PKNOX2: variants seen among roughly 807,000 people sequenced by gnomAD.
PKNOX2 encodes homeobox protein PKNOX2.
A neutral mutation model predicts 53.1 loss-of-function variants in PKNOX2; 14 were observed. The ratio of observed to expected loss-of-function variants is 0.26; its 90% confidence interval spans 0.17 to 0.41. The LOEUF (loss-of-function observed/expected upper bound fraction) is 0.41, where lower values mean the gene tolerates loss of function less well. Among genes scored for constraint, PKNOX2 ranks in the 10% least tolerant of loss-of-function variants. The pLI, the probability that PKNOX2 is intolerant of heterozygous loss-of-function variation, is 1.00. For synonymous variants in PKNOX2, 257 were observed against 242.8 expected (o/e 1.06, Z -0.54); for missense variants, 496 against 602.8 (o/e 0.82, Z 1.85).
intron 2 of PKNOX2, among the ~76,000 whole-genome samples, chr11:125,278,524 T>C (rs1403749556): frequency 6.6e-6 from 1 of 152,148 alleles, no homozygotes; most frequent in African/African-American, 2.4e-5. Context: ...ATGGGAAGTC[T>C]GATGAGTGTG....
rs2136288357 is a variant in PKNOX2 at position 125,370,583 on chromosome 11, C to A, written c.227+2598C>A. 6.6e-6 allele frequency among the ~76,000 whole-genome samples: 1 copy of A among 152,382 alleles called. No homozygotes were observed. Among genetic ancestry groups the A allele is most frequent in the South Asian group, 2.1e-4 (1 of 4,828 alleles). On this transcript the variant is annotated intron_variant, in intron 5 of 12. Transcript: ENST00000298282. The surrounding 1 kb of genome is among the most constrained non-coding windows in gnomAD (Gnocchi z 4.1). ...CCAGGCAAACGCGGCTGCCCCAGCA[C>A]CTCAGGACACCGAGCTGACAGCAGC...
chr11:125,274,917 G>A (rs919169745), intron 2 of PKNOX2, among the ~76,000 whole-genome samples: 7 of 152,156 alleles, frequency 4.6e-5, no homozygotes, highest in Non-Finnish European at 5.9e-5. Context: ...GCCCAGTCCC[G>A]GGGTGCAGAG....
intron 2 of PKNOX2, chr11:125,331,550 C>A (rs1950145712): frequency 6.6e-6 from 1 of 152,404 alleles, no homozygotes; most frequent in African/African-American, 2.4e-5. Flanking sequence ...GCCGCAGGCA[C>A]TCCTGGTTCA....
At chr11:125,395,285 T>C (rs1954311213) in intron 6 of PKNOX2, among the ~76,000 whole-genome samples, 1 of 152,238 alleles carries the variant, frequency 6.6e-6, no homozygotes, top group African/African-American at 2.4e-5. Context: ...TATTCCATGA[T>C]ATGGATGAAT....
intron 4 of PKNOX2, among the ~76,000 whole-genome samples, chr11:125,364,375 C>T (rs962083536): frequency 2.6e-5 from 4 of 152,244 alleles, no homozygotes; most frequent in Admixed American, 6.5e-5. Context: ...CACAGCCTCT[C>T]AGCTGGGGCC....
At chr11:125,221,848 T>C (rs993919498) in intron 1 of PKNOX2, among the ~76,000 whole-genome samples, 1 of 152,068 alleles carries the variant, frequency 6.6e-6, no homozygotes, top group African/African-American at 2.4e-5. Flanking sequence ...CATAAAAACT[T>C]CCTGTCCCCA....
At chr11:125,319,090 C>A (rs530906538) in intron 2 of PKNOX2, among the ~76,000 whole-genome samples, 7 of 152,298 alleles carry the variant, frequency 4.6e-5, no homozygotes, top group Admixed American at 1.3e-4. Context: ...GCCTCCCTCA[C>A]TAAGCTTAAT....
At chr11:125,367,774 C>A in intron 4 of PKNOX2, 72 bp from the exon 5 acceptor site, 1 of 1,526,070 alleles carries the variant, frequency 6.6e-7, no homozygotes, top group Admixed American at 1.9e-5. Flanking sequence ...CCAAGGCGGA[C>A]CTCACACTAC....
At chr11:125,236,081 G>A (rs918156738) in intron 2 of PKNOX2, among the ~76,000 whole-genome samples, 4 of 152,216 alleles carry the variant, frequency 2.6e-5, no homozygotes, top group Non-Finnish European at 4.4e-5. Flanking sequence ...CGTTATCAGC[G>A]CACATCTTCA....
At chr11:125,182,104 A>G (rs1956187094) in intron 1 of PKNOX2, among the ~76,000 whole-genome samples, 1 of 152,108 alleles carries the variant, frequency 6.6e-6, no homozygotes, top group Non-Finnish European at 1.5e-5. Flanking sequence ...CTAAAAATAC[A>G]TTTGCTTTCT....
chr11:125,261,785 AAC>A (rs570918079), intron 2 of PKNOX2, among the ~76,000 whole-genome samples: 63 of 152,378 alleles, frequency 4.1e-4, no homozygotes, highest in South Asian at 1.0e-3. Context: ...CCGATCTGCA[AAC>A]ACAATAGAAT....
chr11:125,225,128 C>T (rs1941577519), intron 1 of PKNOX2, among the ~76,000 whole-genome samples: 1 of 152,218 alleles, frequency 6.6e-6, no homozygotes, highest in African/African-American at 2.4e-5. Flanking sequence ...CTACCCTCAA[C>T]ATGCCCCTGT....
At chr11:125,212,944 C>T (rs1327453821) in intron 1 of PKNOX2, among the ~76,000 whole-genome samples, 1 of 152,030 alleles carries the variant, frequency 6.6e-6, no homozygotes, top group Non-Finnish European at 1.5e-5. Context: ...CATATGTAGG[C>T]TCTTGCACCA....
intron 7 of PKNOX2, among the ~76,000 whole-genome samples, chr11:125,398,702 T>C (rs1301956564): frequency 3.4e-5 from 5 of 148,248 alleles, no homozygotes; most frequent in Admixed American, 1.3e-4. Context: ...TTGGGCAAGA[T>C]GGGGTTTCCC....
intron 2 of PKNOX2, among the ~76,000 whole-genome samples, chr11:125,238,437 T>C (rs1165587763): frequency 1.3e-5 from 2 of 152,158 alleles, no homozygotes; most frequent in East Asian, 3.9e-4. Context: ...GATGTTATTA[T>C]CTCTATTACA....
chr11:125,190,720 CG>C (rs1403719217), intron 1 of PKNOX2, among the ~76,000 whole-genome samples: 5 of 152,158 alleles, frequency 3.3e-5, no homozygotes, highest in Non-Finnish European at 7.3e-5. Context: ...TCACTCTGGC[CG>C]TCACCACAGA....
At chr11:125,204,322 G>A (rs1938811603) in intron 1 of PKNOX2, among the ~76,000 whole-genome samples, 1 of 152,174 alleles carries the variant, frequency 6.6e-6, no homozygotes, top group South Asian at 2.1e-4. Flanking sequence ...GGAGCCAGCT[G>A]GGCACCGTGT....
chr11:125,254,572 G>A (rs1190757811), intron 2 of PKNOX2, among the ~76,000 whole-genome samples: 1 of 152,228 alleles, frequency 6.6e-6, no homozygotes, highest in Non-Finnish European at 1.5e-5. Flanking sequence ...AGTCAGTTCT[G>A]ACCCGCCTAA....
intron 5 of PKNOX2, among the ~76,000 whole-genome samples, chr11:125,383,953 C>A (rs536951083): frequency 7.2e-5 from 11 of 152,164 alleles, no homozygotes; most frequent in Non-Finnish European, 1.5e-4. Context: ...AAAAACAAAA[C>A]AAAACAAAAC....
Sources: allele counts gnomAD v4.1 joint callset (sites outside exome capture counted in the v4.1 genomes callset), GRCh38; gene constraint gnomAD v4.1.1; non-coding constraint Gnocchi (gnomAD v3.1); transcripts MANE v1.5; gene names NCBI Gene and HGNC (gene_info 2026-07-23, HGNC 2026-07-21).